The following ANKRD33B variants were observed in gnomAD, a reference collection of about 807,000 sequenced individuals.
ANKRD33B encodes ankyrin repeat domain 33B.
A neutral mutation model predicts 21.5 loss-of-function variants in ANKRD33B; 6 were observed. The ratio of observed to expected loss-of-function variants is 0.28; its 90% confidence interval spans 0.15 to 0.55. ANKRD33B has a LOEUF of 0.55. Among genes scored for constraint, ANKRD33B ranks in the 20% least tolerant of loss-of-function variants. The pLI is 0.94. For synonymous variants in ANKRD33B, 347 were observed against 342.4 expected (o/e 1.01, Z -0.15); for missense variants, 698 against 747.2 (o/e 0.93, Z 0.77).
chr5:10,637,548 GGCACTGTCCTATTGCTATGATGAT>G (rs1294092321), intron 2 of ANKRD33B, among the ~76,000 whole-genome samples: 1 of 151,754 alleles, frequency 6.6e-6, no homozygotes, highest in African/African-American at 2.4e-5. Flanking sequence ...AGCGTGAATT[GGCACTGTCCTATTGCTATGATGAT>G]GACTTTTTCC....
At chr5:10,638,321 C>CT (rs1736924428) in intron 3 of ANKRD33B, among the ~76,000 whole-genome samples, 153 bp downstream of exon 3, 2 of 152,374 alleles carry the variant, frequency 1.3e-5, no homozygotes, top group East Asian at 3.9e-4. Flanking sequence ...ACTTCTGTAA[C>CT]TATCTGAGGT....
intron 1 of ANKRD33B, among the ~76,000 whole-genome samples, chr5:10,606,590 T>C (rs1359916006): frequency 5.9e-5 from 9 of 151,998 alleles, no homozygotes; most frequent in Non-Finnish European, 1.0e-4. Flanking sequence ...AAAAATTAGC[T>C]GGGCGTGTTG....
chr5:10,573,436 C>G (rs1170668796), intron 1 of ANKRD33B, among the ~76,000 whole-genome samples: 1 of 150,030 alleles, frequency 6.7e-6, no homozygotes, highest in Non-Finnish European at 1.5e-5. Flanking sequence ...CCACTGCACT[C>G]CAGCCTGGGC....
Position 10,649,413 on chromosome 5 carries a change from AGCT to A in ANKRD33B, c.788_790del (p.Leu263del), listed in dbSNP as rs1248277037. 2.1e-5 allele frequency: 32 copies of A among 1,535,266 alleles called. No individual in the cohort carries two copies. The highest frequency in any genetic ancestry group is 2.5e-5 in the Non-Finnish European group (29 of 1,146,552). On this transcript the variant is annotated inframe_deletion, in exon 4 of 4. Transcript: ENST00000296657. ...CAGTTCTGGGAGAAGTACCGGCCCGAGCTGCCGCCGCCCCCTGAAGCGGCGCGG... is the reference window on the plus strand; with the variant it reads ...CAGTTCTGGGAGAAGTACCGGCCCGAGCCGCCGCCCCCTGAAGCGGCGCGG...
intron 1 of ANKRD33B, among the ~76,000 whole-genome samples, chr5:10,572,775 G>A (rs563174371): frequency 2.0e-4 from 31 of 152,352 alleles, no homozygotes; most frequent in African/African-American, 7.0e-4. Flanking sequence ...ACAGGCTGAC[G>A]TGGTTACACC....
intron 3 of ANKRD33B, among the ~76,000 whole-genome samples, chr5:10,646,035 G>T (rs1408303573): frequency 6.6e-6 from 1 of 152,306 alleles, no homozygotes; most frequent in African/African-American, 2.4e-5. Context: ...TAATTACCTG[G>T]CCTAATATGT....
At chr5:10,569,344 C>T (rs1735125891) in intron 1 of ANKRD33B, among the ~76,000 whole-genome samples, 1 of 152,118 alleles carries the variant, frequency 6.6e-6, no homozygotes, top group African/African-American at 2.4e-5. Flanking sequence ...TTCCTGTAAT[C>T]CCAGCACTTT....
chr5:10,650,526 TTTTG>T lies in ANKRD33B; in HGVS notation c.*417_*420del, dbSNP rs1203102178. 6.5e-6 allele frequency: 1 copy of T among 153,864 alleles called. No homozygotes were observed. Among genetic ancestry groups the T allele is most frequent in the Non-Finnish European group, 1.4e-5 (1 of 69,158 alleles). The allele number at this position is 153,864 out of a possible 1,614,324, so 9.5% of individuals were successfully genotyped here. A position where few individuals can be genotyped will look rare whatever the true frequency, so the allele number is the denominator to read the frequency against. On this transcript the variant is annotated 3_prime_UTR_variant, in exon 4 of 4. Coordinates refer to ENST00000296657, the MANE Select transcript of ANKRD33B (RefSeq NM_001164440.2). ...GTTTTAATACACTTGCCTGAAGACC[TTTTG>T]TTTAAGATACTGTTTCTAGCAATAA... is the stretch of plus-strand genomic sequence containing the variant.
At chr5:10,625,094 A>G (rs2126588444) in intron 2 of ANKRD33B, 1 of 243,884 alleles carries the variant, frequency 4.1e-6, no homozygotes, top group South Asian at 4.7e-5. Context: ...GCATCACGGA[A>G]TTAAAGTGAA....
chr5:10,571,295 G>A (rs1479099805), intron 1 of ANKRD33B, among the ~76,000 whole-genome samples: 1 of 152,048 alleles, frequency 6.6e-6, no homozygotes, highest in African/African-American at 2.4e-5. Context: ...TCCACCTCCC[G>A]GGTTCAAGCG....
chr5:10,639,254 AG>A (rs1736961847), intron 3 of ANKRD33B, among the ~76,000 whole-genome samples: 1 of 18,094 alleles, frequency 5.5e-5, no homozygotes, highest in Non-Finnish European at 1.2e-4. Context: ...CGGCGATGTT[AG>A]GCGGTGACGT....
At chr5:10,605,817 C>G (rs1736035536) in intron 1 of ANKRD33B, among the ~76,000 whole-genome samples, 1 of 152,238 alleles carries the variant, frequency 6.6e-6, no homozygotes, top group African/African-American at 2.4e-5. Context: ...GCATGAGCCA[C>G]CATGCCTGGC....
chr5:10,649,235 C>T, intron 3 of ANKRD33B, 31 bp from the exon 4 acceptor site: 3 of 1,497,548 alleles, frequency 2.0e-6, no homozygotes, highest in Non-Finnish European at 8.9e-7. Flanking sequence ...GTTGCCGCCA[C>T]CCACTTCTGT....
intron 1 of ANKRD33B, 97 bp from the exon 2 acceptor site, chr5:10,618,236 C>A: frequency 1.4e-6 from 2 of 1,475,000 alleles, no homozygotes; most frequent in Non-Finnish European, 9.1e-7. Flanking sequence ...CCTTGTCCAG[C>A]CCCCTGGAGG....
intron 1 of ANKRD33B, among the ~76,000 whole-genome samples, chr5:10,593,910 A>G (rs921015466): frequency 2.6e-5 from 4 of 151,792 alleles, no homozygotes; most frequent in African/African-American, 7.3e-5. Flanking sequence ...GTTTTTTCAG[A>G]CCCAAGGCCT....
At chr5:10,600,451 G>A (rs1323120348) in intron 1 of ANKRD33B, among the ~76,000 whole-genome samples, 1 of 152,208 alleles carries the variant, frequency 6.6e-6, no homozygotes, top group Non-Finnish European at 1.5e-5. Context: ...TTTGTTCAAT[G>A]TAATATGCAT....
At chr5:10,612,816 C>T (rs952334841) in intron 1 of ANKRD33B, among the ~76,000 whole-genome samples, 1 of 152,188 alleles carries the variant, frequency 6.6e-6, no homozygotes, top group African/African-American at 2.4e-5. Context: ...AATAGTTTAC[C>T]CAGCAAATCA....
intron 1 of ANKRD33B, among the ~76,000 whole-genome samples, chr5:10,586,881 G>A (rs149645236): frequency 6.6e-6 from 1 of 152,096 alleles, no homozygotes; most frequent in Non-Finnish European, 1.5e-5. Context: ...ATCAACAGCA[G>A]TATTTACTTA....
chr5:10,622,897 C>T (rs1423634776), intron 2 of ANKRD33B, among the ~76,000 whole-genome samples: 1 of 150,674 alleles, frequency 6.6e-6, no homozygotes, highest in Non-Finnish European at 1.5e-5. Flanking sequence ...GACACAGGTC[C>T]TCTTGGAGAT....
Sources: allele counts gnomAD v4.1 joint callset (sites outside exome capture counted in the v4.1 genomes callset), GRCh38; gene constraint gnomAD v4.1.1; transcripts MANE v1.5; gene names NCBI Gene and HGNC (gene_info 2026-07-23, HGNC 2026-07-21).